The following PARP1 variants were observed in gnomAD, a reference collection of about 807,000 sequenced individuals.
PARP1 encodes the protein poly(ADP-ribose) polymerase 1.
In PARP1, 44 loss-of-function variants were observed where a neutral mutation model predicts 118.7. That is an observed-to-expected ratio of 0.37 (90% CI 0.29 to 0.48). The LOEUF (loss-of-function observed/expected upper bound fraction) is 0.48, where lower values mean the gene tolerates loss of function less well. PARP1 is among the 20% of genes least tolerant of loss of function. The pLI, the probability that PARP1 is intolerant of heterozygous loss-of-function variation, is 0.99. For synonymous variants in PARP1, 492 were observed against 483.2 expected, an observed-to-expected ratio of 1.02 and a Z score of -0.24; for missense variants, 1,100 against 1,272.4, an observed-to-expected ratio of 0.86 and a Z score of 2.06.
At chr1:226,394,082 C>T (rs1467496805) in intron 2 of PARP1, among the ~76,000 whole-genome samples, 4 of 152,174 alleles carry the variant, frequency 2.6e-5, no homozygotes, top group Non-Finnish European at 2.9e-5. Context: ...GTAATCCCAC[C>T]TCACACCTGT....
Position 226,407,934 on chromosome 1 carries a change from C to T in PARP1, c.-5G>A, listed in dbSNP as rs1665185835. On this transcript the variant is annotated 5_prime_UTR_variant, in exon 1 of 23. Coordinates refer to ENST00000366794, the MANE Select transcript of PARP1 (RefSeq NM_001618.4). ...CTTATCCGAAGACTCCGCCATCCTCCCCTAGCTGCCGCCAAAGCTCCGGAA... is the reference window on the plus strand; with the variant it reads ...CTTATCCGAAGACTCCGCCATCCTCTCCTAGCTGCCGCCAAAGCTCCGGAA... The T allele has an allele frequency of 6.2e-7, 1 of 1,612,396 alleles. No individual in the cohort carries two copies. Among genetic ancestry groups the T allele is most frequent in the East Asian group, 2.2e-5 (1 of 44,774 alleles).
chr1:226,369,870 C>T (rs1487886805), intron 15 of PARP1, among the ~76,000 whole-genome samples: 3 of 151,916 alleles, frequency 2.0e-5, no homozygotes, highest in African/African-American at 7.3e-5. Context: ...GGCACGAGAA[C>T]CGCTTGAACC....
Position 226,379,220 on chromosome 1 carries a change from G to A in PARP1, c.1667C>T (p.Thr556Ile), listed in dbSNP as rs1664554055. ...TTTAACGATGTCCACCAGGCCAAGGGTGGCACTGAAGACCTTCCCACCTTT... is the reference window on the plus strand; with the variant it reads ...TTTAACGATGTCCACCAGGCCAAGGATGGCACTGAAGACCTTCCCACCTTT... ...LEKGGKVFSA[T>I]LGLVDIVKGT... The change falls in exon 12 of 23, where the codon ACC becomes ATC. Residue 556 changes from threonine (T) to isoleucine (I), a missense_variant. Transcript: ENST00000366794. 2 of 1,614,200 alleles carry A rather than the reference G, an allele frequency of 1.2e-6. No individual in the cohort carries two copies. Among genetic ancestry groups the A allele is most frequent in the South Asian group, 1.1e-5 (1 of 91,080 alleles).
rs751534285 is a variant in PARP1, at chr1:226,381,183, G to A, written c.1185C>T (p.Ile395=). ...TCCGGGACAGCTTCCCGAGAGTCAG[G>A]ATCTTCATGTTGGATAATGGCTTAT... ...SADKPLSNMK[I]LTLGKLSRNK... Residue 395 remains isoleucine, a synonymous_variant, in exon 9 of 23, where the codon ATC becomes ATT. Coordinates refer to ENST00000366794, the MANE Select transcript of PARP1 (RefSeq NM_001618.4). The A allele has an allele frequency of 1.2e-6, 2 of 1,614,150 alleles. No homozygotes were observed. Among genetic ancestry groups the A allele is most frequent in the East Asian group, 2.2e-5 (1 of 44,880 alleles).
intron 16 of PARP1, 116 bp downstream of exon 16, chr1:226,368,083 G>A: frequency 9.2e-6 from 13 of 1,406,676 alleles, no homozygotes; most frequent in Non-Finnish European, 1.2e-5. Flanking sequence ...AAGGGCAAGA[G>A]GGTGGCCCTC....
At chr1:226,384,787 A>T (rs1576397768) in intron 7 of PARP1, among the ~76,000 whole-genome samples, 1 of 142,668 alleles carries the variant, frequency 7.0e-6, no homozygotes, top group Non-Finnish European at 1.6e-5. Context: ...GTGTAGAGCG[A>T]GTAATGTCGA....
intron 22 of PARP1, 107 bp downstream of exon 22, chr1:226,361,862 G>C (rs1235562138): frequency 1.3e-6 from 1 of 752,372 alleles, no homozygotes; most frequent in East Asian, 2.6e-5. Context: ...CACACTACAG[G>C]ACAGCCTCTA....
At chr1:226,363,345 G>C (rs779661980) in intron 20 of PARP1, among the ~76,000 whole-genome samples, 185 bp from the exon 21 acceptor site, 2 of 152,112 alleles carry the variant, frequency 1.3e-5, no homozygotes, top group African/African-American at 4.8e-5. Flanking sequence ...CTGCAGTTGC[G>C]GCTGAACATA....
intron 4 of PARP1, among the ~76,000 whole-genome samples, chr1:226,390,187 G>A (rs1332723334): frequency 2.0e-5 from 3 of 151,968 alleles, no homozygotes; most frequent in Admixed American, 2.0e-4. Flanking sequence ...GTCTCACAGG[G>A]GAGAGGGCTC....
chr1:226,386,445 A>T lies in PARP1; in HGVS notation c.718-3T>A. 6.3e-7 allele frequency: 1 copy of T among 1,588,432 alleles called. No individual in the cohort carries two copies. The highest frequency in any genetic ancestry group is 8.6e-7 in the Non-Finnish European group (1 of 1,156,648). On this transcript the variant is annotated splice_region_variant and splice_polypyrimidine_tract_variant and intron_variant, in intron 5 of 22. Transcript: ENST00000366794. ...TTCCAGATCAGGTCGTTCTGAGCCT[A>T]TGGACAAGACCCAGTGGCTGAGAGG...
chr1:226,378,855 A>G (rs1244656625), intron 12 of PARP1, among the ~76,000 whole-genome samples: 1 of 152,242 alleles, frequency 6.6e-6, no homozygotes, highest in African/African-American at 2.4e-5. Context: ...AAATAGTTGC[A>G]AAACAACAAC....
At chr1:226,398,568 A>G (rs1485235651) in intron 2 of PARP1, among the ~76,000 whole-genome samples, 1 of 152,030 alleles carries the variant, frequency 6.6e-6, no homozygotes, top group Non-Finnish European at 1.5e-5. Flanking sequence ...CAGGCAAAAG[A>G]CATTTCACCA....
intron 21 of PARP1, 96 bp downstream of exon 21, chr1:226,363,003 C>G: frequency 2.4e-6 from 2 of 840,280 alleles, no homozygotes; most frequent in Non-Finnish European, 4.2e-6. Flanking sequence ...TGTTTGACAG[C>G]CAGCCACAAG....
At chr1:226,399,508 A>T (rs951912956) in intron 2 of PARP1, among the ~76,000 whole-genome samples, 6 of 152,134 alleles carry the variant, frequency 3.9e-5, no homozygotes, top group African/African-American at 1.4e-4. Context: ...TGGTTACTGG[A>T]GGTTAGAGGG....
Position 226,385,484 on chromosome 1 carries a change from G to C in PARP1, c.1011+20C>G. 6.2e-7 allele frequency: 1 copy of C among 1,611,960 alleles called. No homozygotes were observed. Among genetic ancestry groups the C allele is most frequent in the East Asian group, 2.2e-5 (1 of 44,868 alleles). Reference sequence around the variant, plus strand: ...AGGTTTTTCTCCCAACAGATCCCAGGATCTTCCCCTACCCCTTACCTTTGG... The same window carrying C: ...AGGTTTTTCTCCCAACAGATCCCAGCATCTTCCCCTACCCCTTACCTTTGG... On this transcript the variant is annotated intron_variant, in intron 7 of 22. Transcript: ENST00000366794.
rs116269221 is a variant in PARP1 at position 226,400,484 on chromosome 1, G to T, written c.286+1730C>A. 3.9e-3 allele frequency among the ~76,000 whole-genome samples: 589 copies of T among 152,312 alleles called. 3 individuals are homozygous for T. The highest frequency in any genetic ancestry group is 0.013 in the African/African-American group (543 of 41,570). Reference sequence around the variant, plus strand: ...AGGAACCATAAAATTACACGTACTGGATGTAGTTCATCTGTATCCCCAGGG... The same window carrying T: ...AGGAACCATAAAATTACACGTACTGTATGTAGTTCATCTGTATCCCCAGGG... On this transcript the variant is annotated intron_variant, in intron 2 of 22. Coordinates refer to ENST00000366794, the MANE Select transcript of PARP1 (RefSeq NM_001618.4).
In PARP1 at chr1:226,363,951, A is replaced by G; in HGVS notation, c.2778T>C (p.Leu926=). The change falls in exon 20 of 23, where the codon CTT becomes CTC. Residue 926 remains leucine, a synonymous_variant. Coordinates refer to ENST00000366794, the MANE Select transcript of PARP1 (RefSeq NM_001618.4). ...IGLILLGEVA[L]GNMYELKHAS... ...GAGCCAGGTTTACTCACATGTTTCC[A>G]AGGGCAACTTCTCCCAACAGGATTA... The G allele has an allele frequency of 6.2e-7, 1 of 1,613,962 alleles. No individual in the cohort carries two copies. The highest frequency in any genetic ancestry group is 8.5e-7 in the Non-Finnish European group (1 of 1,179,966).
chr1:226,383,300 A>G, intron 7 of PARP1, 117 bp from the exon 8 acceptor site: 1 of 810,802 alleles, frequency 1.2e-6, no homozygotes, highest in Non-Finnish European at 2.1e-6. Flanking sequence ...TTCTTACAAT[A>G]AAGAGTAACA....
chr1:226,373,989 A>G (rs1005887786), intron 14 of PARP1, among the ~76,000 whole-genome samples: 1 of 152,098 alleles, frequency 6.6e-6, no homozygotes, highest in Non-Finnish European at 1.5e-5. Flanking sequence ...GGGACCAGGA[A>G]CAACTCTCTC....
Sources: gnomAD v4.1 joint callset for allele counts (sites outside exome capture counted in the v4.1 genomes callset) on GRCh38, gnomAD v4.1.1 for gene constraint, MANE v1.5 for transcripts, NCBI Gene and HGNC (gene_info 2026-07-23, HGNC 2026-07-21) for gene names.